TNPO3: variants seen among roughly 807,000 people sequenced by gnomAD.
TNPO3 encodes the protein transportin-3.
A neutral mutation model predicts 122.8 loss-of-function variants in TNPO3; 65 were observed. The observed-to-expected ratio is 0.53, with a 90% CI of 0.43 to 0.65. The LOEUF is 0.65. Ranked by LOEUF, TNPO3 falls within the 30% of genes least tolerant of loss-of-function variation. TNPO3 has a pLI of 0.00. For missense variants in TNPO3, 850 were observed against 1,136.7 expected (o/e 0.75, Z 3.63); for synonymous variants, 372 against 411.2 (o/e 0.90, Z 1.15).
At chr7:128,970,403 T>G in intron 19 of TNPO3, 88 bp from the exon 20 acceptor site, 7 of 1,343,968 alleles carry the variant, frequency 5.2e-6, no homozygotes, top group Non-Finnish European at 6.1e-6. Context: ...TAATTTCTCT[T>G]TAATAGGAAA....
At chr7:128,958,423 A>G (rs1325664842) in intron 21 of TNPO3, among the ~76,000 whole-genome samples, 1 of 152,142 alleles carries the variant, frequency 6.6e-6, no homozygotes, top group African/African-American at 2.4e-5. Context: ...GATTACAGGC[A>G]TGAGCCACCG....
In TNPO3 at chr7:128,997,476, G is replaced by A. The variant is rs771633416; in HGVS notation, c.1071C>T (p.Asn357=). ...YRLGEHLYKT[N]DEVIHGIFKA... is the part of the protein sequence containing the mutation. The stretch of plus-strand genomic sequence containing the variant: ...TGAAGATGCCATGAATAACTTCATC[G>A]TTAGTTTTGTACAAATGTTCCCCCA... Residue 357 remains asparagine (N), a synonymous_variant, in exon 8 of 23, where the codon AAC becomes AAT. Coordinates refer to ENST00000265388, the MANE Select transcript of TNPO3 (RefSeq NM_012470.4). 1.1e-5 allele frequency: 18 copies of A among 1,614,048 alleles called. No individual in the cohort carries two copies. Among genetic ancestry groups the A allele is most frequent in the South Asian group, 7.7e-5 (7 of 91,080 alleles).
At chr7:128,994,296 T>C (rs1801065284) in intron 8 of TNPO3, among the ~76,000 whole-genome samples, 1 of 152,072 alleles carries the variant, frequency 6.6e-6, no homozygotes, top group African/African-American at 2.4e-5. Flanking sequence ...TAACTGGGAT[T>C]ACAGACACAC....
chr7:128,992,220 G>A, intron 9 of TNPO3, 130 bp from the exon 10 acceptor site: 3 of 482,306 alleles, frequency 6.2e-6, no homozygotes, highest in Non-Finnish European at 7.3e-6. Context: ...CAAGCCAGAT[G>A]AGAATATTAT....
intron 21 of TNPO3, among the ~76,000 whole-genome samples, chr7:128,958,137 CTTTTTTTTT>C (rs55683535): frequency 9.4e-5 from 9 of 96,218 alleles, no homozygotes; most frequent in African/African-American, 2.5e-4. Flanking sequence ...GAAGCACTTC[CTTTTTTTTT>C]TTTTTTTTTT....
At chr7:128,975,041 A>G (rs1162244074) in intron 17 of TNPO3, 79 bp from the exon 18 acceptor site, 1 of 1,068,960 alleles carries the variant, frequency 9.4e-7, no homozygotes, top group Admixed American at 1.9e-5. Flanking sequence ...TATTTATTAC[A>G]ATAAGTACAA....
At chr7:128,968,601 AATAGGCCAGAG>A (rs1220310024) in intron 20 of TNPO3, among the ~76,000 whole-genome samples, 10 of 152,190 alleles carry the variant, frequency 6.6e-5, no homozygotes, top group African/African-American at 2.4e-4. Context: ...TTATGGCCAT[AATAGGCCAGAG>A]CAAAAGTATT....
Position 128,955,372 on chromosome 7 carries a change from T to TA in TNPO3, c.*44dup, listed in dbSNP as rs1796799659. 2.2e-6 allele frequency: 1 copy of TA among 455,814 alleles called. No homozygotes were observed. The highest frequency in any genetic ancestry group is 2.0e-5 in the African/African-American group (1 of 49,942). 28.2% of individuals were successfully genotyped at this position (455,814 alleles called of 1,614,324 possible). On this transcript the variant is annotated 3_prime_UTR_variant, in exon 23 of 23. Coordinates refer to ENST00000265388, the MANE Select transcript of TNPO3 (RefSeq NM_012470.4). ...TTTTGTTTTCTTCCTGTCTTCTAAT[T>TA]AAAAAAGACATTCCTGACAAAAGAG... is the stretch of plus-strand genomic sequence containing the variant.
intron 21 of TNPO3, among the ~76,000 whole-genome samples, chr7:128,965,235 T>C (rs956155577): frequency 2.0e-5 from 3 of 152,290 alleles, no homozygotes; most frequent in Non-Finnish European, 2.9e-5. Context: ...CCTGCAACTA[T>C]ACAACAAAAG....
chr7:129,019,750 T>A (rs1278245575), intron 1 of TNPO3, among the ~76,000 whole-genome samples: 1 of 152,028 alleles, frequency 6.6e-6, no homozygotes, highest in Non-Finnish European at 1.5e-5. Context: ...TCTCAGCACT[T>A]TGGGAGACAG....
chr7:128,972,719 A>C (rs1798615323), intron 18 of TNPO3, 137 bp from the exon 19 acceptor site: 1 of 718,426 alleles, frequency 1.4e-6, no homozygotes, highest in Non-Finnish European at 2.3e-6. Flanking sequence ...GGATGAATAG[A>C]CAGAACATAG....
At chr7:128,974,269 G>A (rs2128997965) in intron 18 of TNPO3, among the ~76,000 whole-genome samples, 1 of 146,984 alleles carries the variant, frequency 6.8e-6, no homozygotes, top group African/African-American at 2.5e-5. Context: ...GGCTTTTGTT[G>A]TTTCGAAAAT....
At chr7:129,031,927 T>G (rs1805994831) in intron 1 of TNPO3, among the ~76,000 whole-genome samples, 1 of 152,136 alleles carries the variant, frequency 6.6e-6, no homozygotes, top group Non-Finnish European at 1.5e-5. Flanking sequence ...CCTTAAGCAA[T>G]CCTCCTGCCT....
At chr7:129,053,933 G>A (rs1809127918) in intron 1 of TNPO3, among the ~76,000 whole-genome samples, 1 of 152,190 alleles carries the variant, frequency 6.6e-6, no homozygotes, top group East Asian at 1.9e-4. Context: ...ATATCTCACC[G>A]GATGCACACA....
upstream of TNPO3, chr7:129,055,940 C>T (rs1809417533): frequency 1.5e-6 from 1 of 659,920 alleles, no homozygotes; most frequent in Non-Finnish European, 2.8e-6. Flanking sequence ...TCATTTAATC[C>T]GCCTAACAAC....
intron 2 of TNPO3, among the ~76,000 whole-genome samples, chr7:129,017,342 T>G (rs536627748): frequency 6.6e-6 from 1 of 152,176 alleles, no homozygotes; most frequent in Non-Finnish European, 1.5e-5. Flanking sequence ...ATATCAATAT[T>G]TACTTTTATT....
intron 1 of TNPO3, among the ~76,000 whole-genome samples, chr7:129,031,825 ATT>A (rs907086297): frequency 6.6e-6 from 1 of 152,168 alleles, no homozygotes; most frequent in Non-Finnish European, 1.5e-5. Flanking sequence ...TCAATAGCAT[ATT>A]TTTTCTCAAT....
At chr7:128,973,484 C>T (rs1286817949) in intron 18 of TNPO3, among the ~76,000 whole-genome samples, 1 of 151,636 alleles carries the variant, frequency 6.6e-6, no homozygotes, top group African/African-American at 2.4e-5. Flanking sequence ...GGCCTGTAAT[C>T]CCAGCACTTT....
intron 5 of TNPO3, 54 bp downstream of exon 5, chr7:129,004,957 CAGGTT>C: frequency 1.3e-6 from 2 of 1,544,668 alleles, no homozygotes; most frequent in Non-Finnish European, 1.8e-6. Flanking sequence ...TATGTCCCAG[CAGGTT>C]AGTTACGAAA....
Sources: allele counts gnomAD v4.1 joint callset (sites outside exome capture counted in the v4.1 genomes callset), GRCh38; gene constraint gnomAD v4.1.1; transcripts MANE v1.5; gene names NCBI Gene and HGNC (gene_info 2026-07-23, HGNC 2026-07-21).